Variants in LRP2 observed in about 807,000 individuals in gnomAD.
The protein encoded by LRP2 is low-density lipoprotein receptor-related protein 2.
LRP2 carries 172 observed loss-of-function variants against 531.0 expected under a neutral mutation model. The ratio of observed to expected loss-of-function variants is 0.32; its 90% CI spans 0.29 to 0.37. The LOEUF (loss-of-function observed/expected upper bound fraction) is 0.37. Ranked by LOEUF, LRP2 falls within the 10% of genes least tolerant of loss-of-function variation. The pLI, the probability that LRP2 is intolerant of heterozygous loss-of-function variation, is 1.00. For synonymous variants in LRP2, 1,992 were observed against 2,027.6 expected, an observed-to-expected ratio of 0.98 and a Z score of 0.47; for missense variants, 5,167 against 5,868.3, an observed-to-expected ratio of 0.88 and a Z score of 3.90.
intron 66 of LRP2, 100 bp from the exon 67 acceptor site, chr2:169,153,064 T>G (rs1371344722): frequency 1.0e-6 from 1 of 982,312 alleles, no homozygotes; most frequent in African/African-American, 1.6e-5. Context: ...TATTGACATC[T>G]CTACCTCCCT....
At chr2:169,360,177 C>T (rs1461134278) in intron 1 of LRP2, among the ~76,000 whole-genome samples, 1 of 149,280 alleles carries the variant, frequency 6.7e-6, no homozygotes, top group Non-Finnish European at 1.5e-5. Context: ...AAACCAGACA[C>T]TGTATACTGT....
At chr2:169,215,172 A>G (rs1051989356) in intron 35 of LRP2, among the ~76,000 whole-genome samples, 7 of 152,218 alleles carry the variant, frequency 4.6e-5, no homozygotes, top group Admixed American at 1.3e-4. Flanking sequence ...CCACCATTAT[A>G]GGTCCATATT....
chr2:169,277,737 C>T lies in LRP2; in HGVS notation c.1772+8G>A. The T allele has an allele frequency of 2.5e-6, 4 of 1,613,236 alleles. No homozygotes were observed. Among genetic ancestry groups the T allele is most frequent in the Non-Finnish European group, 3.4e-6 (4 of 1,179,216 alleles). ...ATAAAGCCATAAGCCATAAAAAATACTTCTTACCTTTGAATTCCATCATAA... is the reference window on the plus strand; with the variant it reads ...ATAAAGCCATAAGCCATAAAAAATATTTCTTACCTTTGAATTCCATCATAA... On this transcript the variant is annotated splice_region_variant and intron_variant, in intron 13 of 78. Coordinates refer to ENST00000649046, the MANE Select transcript of LRP2 (RefSeq NM_004525.3).
intron 1 of LRP2, among the ~76,000 whole-genome samples, chr2:169,337,196 T>C (rs562988461): frequency 1.3e-5 from 2 of 152,280 alleles, no homozygotes; most frequent in Admixed American, 6.5e-5. Context: ...TCTTAAAGCC[T>C]TCTACGGGTG....
chr2:169,207,899 A>C (rs983846896), intron 38 of LRP2, among the ~76,000 whole-genome samples: 18 of 152,256 alleles, frequency 1.2e-4, no homozygotes, highest in Admixed American at 1.0e-3. Flanking sequence ...GATTTCATGT[A>C]GTTGAAAGTC....
chr2:169,343,145 A>G (rs1251835948), intron 1 of LRP2, among the ~76,000 whole-genome samples: 4 of 152,192 alleles, frequency 2.6e-5, no homozygotes, highest in Admixed American at 2.6e-4. Flanking sequence ...CATAAAACCA[A>G]GTTACAGAAA....
chr2:169,241,295 G>A lies in LRP2; in HGVS notation c.3738C>T (p.Asn1246=). The A allele has an allele frequency of 3.1e-6, 5 of 1,614,160 alleles. No homozygotes were observed. The South Asian group carries it at 4.4e-5, about 14-fold the overall frequency. ...CTGGATGCCCATCACATTCCCAGAA[G>A]TTCGGGATGCAGATACCATCTTCTT... The part of the protein sequence containing the change: ...QCQEDGICIP[N]FWECDGHPDC... Residue 1246 remains asparagine, a synonymous_variant, in exon 25 of 79, where the codon AAC becomes AAT. Coordinates refer to ENST00000649046, the MANE Select transcript of LRP2 (RefSeq NM_004525.3).
rs1195820537 is a variant in LRP2, at chr2:169,311,111, C to T, written c.311-3714G>A. ...CTCTCTTTTTTCGTTATTAGTCTTC[C>T]TAGTGGTCTATCAATTTTGTTGATC... On this transcript the variant is annotated intron_variant, in intron 3 of 78. Transcript: ENST00000649046. 7.9e-5 allele frequency among the ~76,000 whole-genome samples: 12 copies of T among 152,106 alleles called. 2 individuals carry two copies. The Middle Eastern group carries it at 0.014, about 172-fold the overall frequency.
rs148037453 is a variant in LRP2, at chr2:169,307,620, G to A, written c.311-223C>T. On this transcript the variant is annotated intron_variant, in intron 3 of 78. Coordinates refer to ENST00000649046, the MANE Select transcript of LRP2 (RefSeq NM_004525.3). The stretch of plus-strand genomic sequence containing the variant: ...TCAAGCATGCTATGTACACAATTAC[G>A]TTATCAACATGTGTAAAGAATACAA... Among the ~76,000 whole-genome samples, 192 of 152,178 alleles carry A rather than the reference G, an allele frequency of 1.3e-3. 3 individuals carry two copies. The highest frequency in any genetic ancestry group is 4.1e-3 in the African/African-American group (171 of 41,512).
At position 169,154,491 on chromosome 2, in the gene LRP2, A is replaced by C. The variant is rs1474088242; in HGVS notation, c.12264T>G (p.Asp4088Glu). The part of the protein sequence containing the change: ...LQDEEYIQAV[D>E]YDWDPKDIGL... The stretch of plus-strand genomic sequence containing the variant: ...CTATGTCCTTGGGATCCCAATCATA[A>C]TCAACAGCTTGGATATATTCCTCAT... Residue 4088 changes from aspartate to glutamate, a missense_variant, in exon 66 of 79, where the codon GAT becomes GAG. Transcript: ENST00000649046. 1 of 1,612,942 alleles carries C rather than the reference A, an allele frequency of 6.2e-7. No homozygotes were observed. The highest frequency in any genetic ancestry group is 8.5e-7 in the Non-Finnish European group (1 of 1,179,016).
intron 9 of LRP2, among the ~76,000 whole-genome samples, chr2:169,287,352 T>A (rs969187446): frequency 1.3e-5 from 2 of 152,278 alleles, no homozygotes; most frequent in African/African-American, 4.8e-5. Context: ...AAGTACCTTG[T>A]TGAATATAGT....
rs551574602 is a variant in LRP2 at position 169,278,450 on chromosome 2, C to T, written c.1566-499G>A. 3.5e-4 allele frequency among the ~76,000 whole-genome samples: 53 copies of T among 152,046 alleles called. 2 individuals are homozygous for T. In the South Asian group the frequency reaches 0.011, roughly 32 times the overall value. On this transcript the variant is annotated intron_variant, in intron 12 of 78. Transcript: ENST00000649046. ...GGCACGCTGTGATTGTGCTGCTGCA[C>T]TCCAGCCTGGGCAACAGAGCAAGAA...
intron 37 of LRP2, 56 bp from the exon 38 acceptor site, chr2:169,209,697 A>G: frequency 6.5e-7 from 1 of 1,526,874 alleles, no homozygotes; most frequent in Non-Finnish European, 9.0e-7. Flanking sequence ...AGAACTTTTA[A>G]ATGTCTGCCC....
intron 31 of LRP2, among the ~76,000 whole-genome samples, chr2:169,227,238 G>C (rs1689232861): frequency 6.6e-6 from 1 of 152,142 alleles, no homozygotes; most frequent in Admixed American, 6.6e-5. Context: ...TCAGAGCCTG[G>C]CATAAAATAG....
chr2:169,185,453 T>C (rs1410500359), intron 50 of LRP2, 50 bp downstream of exon 50: 11 of 1,580,904 alleles, frequency 7.0e-6, no homozygotes, highest in Non-Finnish European at 9.5e-6. Context: ...AAAACATGGT[T>C]AGAATTTTTT....
In LRP2 at chr2:169,239,560, A is replaced by G; in HGVS notation, c.4261T>C (p.Leu1421=). 1 of 1,614,052 alleles carries G rather than the reference A, an allele frequency of 6.2e-7. No individual in the cohort carries two copies. The highest frequency in any genetic ancestry group is 8.5e-7 in the Non-Finnish European group (1 of 1,179,930). Residue 1421 remains leucine, a synonymous_variant, in exon 26 of 79, where the codon TTA becomes CTA. Transcript: ENST00000649046. ...TTGCAAGTCCTCCCATCACTTTCTA[A>G]CATGTAGCCTGTATCACACGAGCAC... The part of the protein sequence containing the change: ...FRCSCDTGYM[L]ESDGRTCKVT...
rs1685646444 is a variant in LRP2 at position 169,139,587 on chromosome 2, T to A, written c.13223A>T (p.Lys4408Ile). 6.2e-7 allele frequency: 1 copy of A among 1,614,232 alleles called. No individual in the cohort carries two copies. Among genetic ancestry groups the A allele is most frequent in the Non-Finnish European group, 8.5e-7 (1 of 1,180,026 alleles). Residue 4408 changes from lysine (K) to isoleucine (I), a missense_variant, in exon 73 of 79, where the codon AAA (lysine) becomes ATA (isoleucine). Lys to Ile is a moderately radical substitution (Grantham distance 102). This residue lies in a region of LRP2 where 348 missense variants were observed against 369.3 expected (regional missense o/e 0.94). Transcript: ENST00000649046. The part of the protein sequence containing the change: ...KCKCPSGYTG[K>I]YCEMAFSKGI... The stretch of plus-strand genomic sequence containing the variant: ...TTTTGAAAACGCCATTTCACAATAT[T>A]TTCCGGTGTAGCCGCTAGGACACCT...
Position 169,213,666 on chromosome 2 carries a change from G to A in LRP2, c.6031C>T (p.His2011Tyr). Residue 2011 changes from histidine (H) to tyrosine (Y), a missense_variant, in exon 36 of 79, where the codon CAC becomes TAC. By Grantham distance (83) the His-to-Tyr change is moderately conservative (BLOSUM62 2). Coordinates refer to ENST00000649046, the MANE Select transcript of LRP2 (RefSeq NM_004525.3). ...VPNLRGLQVYHRRNAAESSNG... is the reference protein window; with the variant it reads ...VPNLRGLQVYYRRNAAESSNG... The stretch of plus-strand genomic sequence containing the variant: ...AGTGACAAATACTTACTGCGTCTGT[G>A]ATAAACTTGAAGACCCCTCAGATTT... 6.2e-7 allele frequency: 1 copy of A among 1,612,400 alleles called. No individual in the cohort carries two copies. The highest frequency in any genetic ancestry group is 8.5e-7 in the Non-Finnish European group (1 of 1,179,412).
intron 3 of LRP2, among the ~76,000 whole-genome samples, chr2:169,307,934 A>G (rs1684470467): frequency 6.6e-6 from 1 of 152,192 alleles, no homozygotes; most frequent in Non-Finnish European, 1.5e-5. Context: ...CATGTTGATT[A>G]GTATAGGTGA....
Sources: gnomAD v4.1 joint callset for allele counts (sites outside exome capture counted in the v4.1 genomes callset) on GRCh38, gnomAD v4.1.1 for gene constraint, gnomAD v4.1.1 regional missense constraint, MANE v1.5 for transcripts, NCBI Gene and HGNC (gene_info 2026-07-23, HGNC 2026-07-21) for gene names.